Variants in SUCLG2 observed in about 807,000 individuals in gnomAD.
SUCLG2 encodes the protein succinate--CoA ligase [GDP-forming] subunit beta, mitochondrial.
In SUCLG2, 42 loss-of-function variants were observed where a neutral mutation model predicts 47.9. That is an observed-to-expected ratio of 0.88 (90% CI 0.69 to 1.14). SUCLG2 has a LOEUF of 1.14. SUCLG2 is among the 50% of genes most tolerant of loss of function. The pLI is 0.00. For synonymous variants in SUCLG2, 195 were observed against 197.3 expected, an observed-to-expected ratio of 0.99 and a Z score of 0.10; for missense variants, 571 against 525.9, an observed-to-expected ratio of 1.09 and a Z score of -0.84.
chr3:67,531,124 G>A (rs1706391956), intron 2 of SUCLG2, among the ~76,000 whole-genome samples: 1 of 152,050 alleles, frequency 6.6e-6, no homozygotes, highest in Non-Finnish European at 1.5e-5. Flanking sequence ...TAAAGTGCCT[G>A]GCACATTTTT....
intron 9 of SUCLG2, among the ~76,000 whole-genome samples, chr3:67,409,240 C>T (rs950475164): frequency 2.0e-5 from 3 of 151,742 alleles, no homozygotes; most frequent in African/African-American, 4.8e-5. Context: ...TAAACTCTGT[C>T]CTGAGCTGAA....
intron 1 of SUCLG2, among the ~76,000 whole-genome samples, chr3:67,619,709 GAAA>G (rs1700699829): frequency 1.3e-5 from 2 of 152,274 alleles, no homozygotes; most frequent in East Asian, 3.9e-4. Flanking sequence ...AAGGAGCAAA[GAAA>G]TGTAAAACAC....
intron 9 of SUCLG2, among the ~76,000 whole-genome samples, chr3:67,430,654 A>G (rs1703452321): frequency 6.6e-6 from 1 of 152,182 alleles, no homozygotes; most frequent in South Asian, 2.1e-4. Flanking sequence ...AAAATCAATG[A>G]ATCCAGGAGT....
intron 9 of SUCLG2, among the ~76,000 whole-genome samples, chr3:67,466,082 G>A (rs1224992736): frequency 6.6e-6 from 1 of 152,150 alleles, no homozygotes; most frequent in Non-Finnish European, 1.5e-5. Flanking sequence ...GCCAGGCATG[G>A]TGGCTCACTC....
chr3:67,547,094 C>A (rs1706886328), intron 2 of SUCLG2, among the ~76,000 whole-genome samples: 1 of 152,154 alleles, frequency 6.6e-6, no homozygotes, highest in Admixed American at 6.5e-5. Flanking sequence ...TCCTAACCCC[C>A]AGGTGATAGT....
intron 2 of SUCLG2, among the ~76,000 whole-genome samples, chr3:67,562,025 C>A (rs529569288): frequency 6.6e-6 from 1 of 152,178 alleles, no homozygotes; most frequent in Non-Finnish European, 1.5e-5. Context: ...TCTTCCTACA[C>A]CCCTGCCCCT....
At chr3:67,393,833 G>A (rs576455346) in intron 10 of SUCLG2, among the ~76,000 whole-genome samples, 10 of 152,232 alleles carry the variant, frequency 6.6e-5, no homozygotes, top group Middle Eastern at 3.4e-3. Flanking sequence ...ACTTCCAGAG[G>A]AACGATCAGA....
At chr3:67,568,125 G>C (rs1190164855) in intron 2 of SUCLG2, among the ~76,000 whole-genome samples, 2 of 152,226 alleles carry the variant, frequency 1.3e-5, no homozygotes, top group South Asian at 2.1e-4. Context: ...TAGAGTCACT[G>C]AACTGGTTAC....
chr3:67,452,558 A>G (rs1282174231), intron 9 of SUCLG2, among the ~76,000 whole-genome samples: 1 of 152,180 alleles, frequency 6.6e-6, no homozygotes, highest in Non-Finnish European at 1.5e-5. Flanking sequence ...AAAACAGGTA[A>G]GTTTCAGTTA....
At chr3:67,386,736 C>T (rs1162408081) in intron 10 of SUCLG2, among the ~76,000 whole-genome samples, 1 of 152,168 alleles carries the variant, frequency 6.6e-6, no homozygotes, top group Non-Finnish European at 1.5e-5. Flanking sequence ...GCCCACAACA[C>T]GTGGGGATTA....
intron 1 of SUCLG2, among the ~76,000 whole-genome samples, chr3:67,649,628 C>A (rs1051164234): frequency 2.6e-5 from 4 of 152,200 alleles, no homozygotes; most frequent in Non-Finnish European, 5.9e-5. Flanking sequence ...TGCATGAATT[C>A]ACCTGGACTG....
intron 10 of SUCLG2, among the ~76,000 whole-genome samples, chr3:67,369,298 T>C (rs1356453028): frequency 6.6e-6 from 1 of 152,220 alleles, no homozygotes; most frequent in Admixed American, 6.5e-5. Flanking sequence ...TATTTGTCTA[T>C]TATGGGTGGT....
downstream of SUCLG2, among the ~76,000 whole-genome samples, chr3:67,371,101 C>T (rs1217868926): frequency 6.6e-6 from 1 of 152,150 alleles, no homozygotes; most frequent in Admixed American, 6.5e-5. Flanking sequence ...TTAATGACTA[C>T]TACATCATGG....
chr3:67,416,925 C>T lies in SUCLG2; in HGVS notation c.1063-16074G>A, dbSNP rs543321944. Among the ~76,000 whole-genome samples the T allele has an allele frequency of 4.6e-5, 7 of 152,182 alleles. 1 individual carries two copies. The highest frequency in any genetic ancestry group is 2.1e-4 in the South Asian group (1 of 4,814). ...GTATCCACTAGAGGCCAGTGTACTT[C>T]GGCATGGAGAAGGAATTTATAACCA... On this transcript the variant is annotated intron_variant, in intron 9 of 10. Transcript: ENST00000307227.
At chr3:67,592,718 C>CAAAAAAAAAAAAAA (rs754866312) in intron 2 of SUCLG2, among the ~76,000 whole-genome samples, 6 of 80,258 alleles carry the variant, frequency 7.5e-5, no homozygotes, top group African/African-American at 2.4e-4. Flanking sequence ...TCACATCCTC[C>CAAAAAAAAAAAAAA]AAAAAAAAAA....
downstream of SUCLG2, among the ~76,000 whole-genome samples, chr3:67,371,524 G>A (rs118183240): frequency 1.9e-3 from 294 of 152,268 alleles, 6 homozygotes; most frequent in East Asian, 0.044. Context: ...AGACACTTGG[G>A]AATTAGATCC....
intron 6 of SUCLG2, among the ~76,000 whole-genome samples, chr3:67,510,432 T>A (rs1705755192): frequency 6.6e-6 from 1 of 152,150 alleles, no homozygotes; most frequent in African/African-American, 2.4e-5. Context: ...GATACAAAAT[T>A]CCCGAAGAAC....
intron 2 of SUCLG2, among the ~76,000 whole-genome samples, chr3:67,580,994 T>C (rs1300037818): frequency 6.6e-6 from 1 of 152,200 alleles, no homozygotes; most frequent in Admixed American, 6.5e-5. Flanking sequence ...TTAAGAATTG[T>C]GTTTGTGTTC....
intron 10 of SUCLG2, among the ~76,000 whole-genome samples, chr3:67,382,071 TA>T (rs1475409320): frequency 2.0e-5 from 3 of 152,218 alleles, no homozygotes; most frequent in South Asian, 2.1e-4. Context: ...AACTGTAATT[TA>T]AAAGTTATTA....
Sources: gnomAD v4.1 joint callset for allele counts (sites outside exome capture counted in the v4.1 genomes callset) on GRCh38, gnomAD v4.1.1 for gene constraint, MANE v1.5 for transcripts, NCBI Gene and HGNC (gene_info 2026-07-23, HGNC 2026-07-21) for gene names.